The following PTPRK variants were observed in gnomAD, a reference collection of about 807,000 sequenced individuals.
PTPRK encodes receptor-type tyrosine-protein phosphatase kappa.
Under a neutral mutation model 178.0 loss-of-function variants are expected in PTPRK, and 75 were observed. The observed-to-expected ratio is 0.42, with a 90% CI of 0.35 to 0.51. PTPRK has a LOEUF of 0.51. Ranked by LOEUF, PTPRK falls within the 20% of genes least tolerant of loss-of-function variation. PTPRK has a pLI of 0.02. For missense variants in PTPRK, 1,441 were observed against 1,797.8 expected (o/e 0.80, Z 3.59); for synonymous variants, 637 against 620.6 (o/e 1.03, Z -0.39).
intron 13 of PTPRK, among the ~76,000 whole-genome samples, chr6:128,036,533 A>C (rs1319266380): frequency 6.6e-6 from 1 of 152,258 alleles, no homozygotes; most frequent in Non-Finnish European, 1.5e-5. Flanking sequence ...GTGTCCTAAA[A>C]TTAATACACA....
At chr6:128,118,603 C>T (rs1205641837) in intron 7 of PTPRK, among the ~76,000 whole-genome samples, 6 of 152,088 alleles carry the variant, frequency 3.9e-5, no homozygotes, top group African/African-American at 1.4e-4. Flanking sequence ...TAGCTATGTT[C>T]TTAATCTATT....
chr6:128,514,008 A>G (rs1039247691), intron 1 of PTPRK, among the ~76,000 whole-genome samples: 1 of 152,182 alleles, frequency 6.6e-6, no homozygotes, highest in African/African-American at 2.4e-5. Context: ...TCCACTATCC[A>G]ACACGGATTA....
At chr6:128,036,587 C>G (rs1450912737) in intron 13 of PTPRK, among the ~76,000 whole-genome samples, 1 of 151,906 alleles carries the variant, frequency 6.6e-6, no homozygotes, top group Non-Finnish European at 1.5e-5. Context: ...TTTAATAACA[C>G]TGCAAGTACT....
At chr6:128,305,149 G>C (rs1299986861) in intron 3 of PTPRK, among the ~76,000 whole-genome samples, 1 of 152,100 alleles carries the variant, frequency 6.6e-6, no homozygotes, top group African/African-American at 2.4e-5. Context: ...GATTTTTGAA[G>C]AATTCCCGTT....
chr6:128,086,759 G>A (rs1444174842), intron 8 of PTPRK, among the ~76,000 whole-genome samples: 1 of 152,034 alleles, frequency 6.6e-6, no homozygotes, highest in East Asian at 1.9e-4. Context: ...AGAGTTACTT[G>A]CAAATACTTC....
At chr6:128,341,131 A>G (rs1160796760) in intron 2 of PTPRK, among the ~76,000 whole-genome samples, 1 of 152,130 alleles carries the variant, frequency 6.6e-6, no homozygotes, top group African/African-American at 2.4e-5. Flanking sequence ...GTTATTTGCC[A>G]CATTTGATTT....
intron 11 of PTPRK, among the ~76,000 whole-genome samples, chr6:128,068,359 C>A (rs543422551): frequency 1.6e-4 from 24 of 152,216 alleles, no homozygotes; most frequent in African/African-American, 5.8e-4. Flanking sequence ...AAGTGACATG[C>A]GGCAATACGG....
At chr6:128,293,621 C>G (rs1298642654) in intron 3 of PTPRK, among the ~76,000 whole-genome samples, 1 of 152,002 alleles carries the variant, frequency 6.6e-6, no homozygotes, top group African/African-American at 2.4e-5. Flanking sequence ...ACATCACTTA[C>G]CAGTATCTCA....
intron 1 of PTPRK, among the ~76,000 whole-genome samples, chr6:128,440,341 A>G (rs1270350889): frequency 1.3e-5 from 2 of 152,164 alleles, no homozygotes; most frequent in East Asian, 3.9e-4. Flanking sequence ...CTAAGGATTC[A>G]ATGCTATGCA....
chr6:128,358,315 C>T (rs774637831), intron 2 of PTPRK, among the ~76,000 whole-genome samples: 1 of 152,172 alleles, frequency 6.6e-6, no homozygotes, highest in Non-Finnish European at 1.5e-5. Context: ...GGTGGCAGTG[C>T]TCCTGCACTC....
intron 7 of PTPRK, among the ~76,000 whole-genome samples, chr6:128,096,662 A>C (rs762258684): frequency 2.0e-5 from 3 of 152,184 alleles, no homozygotes; most frequent in Non-Finnish European, 2.9e-5. Context: ...GATGTACACA[A>C]ACTAAGAACG....
At chr6:128,155,200 A>G (rs1278463574) in intron 7 of PTPRK, among the ~76,000 whole-genome samples, 1 of 151,768 alleles carries the variant, frequency 6.6e-6, no homozygotes, top group African/African-American at 2.4e-5. Flanking sequence ...TAGAAGTTTG[A>G]TAAGATTCAG....
chr6:128,460,266 G>T (rs546534805), intron 1 of PTPRK, among the ~76,000 whole-genome samples: 1 of 152,016 alleles, frequency 6.6e-6, no homozygotes, highest in South Asian at 2.1e-4. Context: ...TTTTCCAGCT[G>T]GGCATGGGGA....
intron 3 of PTPRK, among the ~76,000 whole-genome samples, chr6:128,313,728 G>A (rs1827584334): frequency 1.3e-5 from 2 of 152,120 alleles, no homozygotes; most frequent in Admixed American, 6.6e-5. Flanking sequence ...CAGCAAATTA[G>A]CATCTCCCAA....
intron 1 of PTPRK, among the ~76,000 whole-genome samples, chr6:128,401,534 A>T (rs906410952): frequency 3.9e-5 from 6 of 152,172 alleles, no homozygotes; most frequent in Non-Finnish European, 8.8e-5. Flanking sequence ...CGTTAATTTA[A>T]ACAAAGTTGA....
chr6:128,067,411 T>G, intron 12 of PTPRK, 108 bp downstream of exon 12: 2 of 1,269,184 alleles, frequency 1.6e-6, no homozygotes, highest in Non-Finnish European at 2.1e-6. Context: ...TACATGCAAA[T>G]TTTCTTTTTC....
At chr6:128,150,000 G>A (rs971244882) in intron 7 of PTPRK, among the ~76,000 whole-genome samples, 3 of 152,104 alleles carry the variant, frequency 2.0e-5, no homozygotes, top group African/African-American at 7.2e-5. Context: ...AACCCTAAAT[G>A]AATCTTATCA....
chr6:128,515,261 G>A (rs1457025727), intron 1 of PTPRK, among the ~76,000 whole-genome samples: 1 of 152,178 alleles, frequency 6.6e-6, no homozygotes, highest in Non-Finnish European at 1.5e-5. Flanking sequence ...TTAGTTCATG[G>A]ATATGCAAGT....
intron 3 of PTPRK, among the ~76,000 whole-genome samples, chr6:128,282,030 C>T (rs906067362): frequency 1.3e-5 from 2 of 152,126 alleles, no homozygotes; most frequent in African/African-American, 4.8e-5. Flanking sequence ...TAGCAAAGAA[C>T]TGATTCTCTA....
Sources: allele counts gnomAD v4.1 joint callset (sites outside exome capture counted in the v4.1 genomes callset), GRCh38; gene constraint gnomAD v4.1.1; transcripts MANE v1.5; gene names NCBI Gene and HGNC (gene_info 2026-07-23, HGNC 2026-07-21).